Variants in SCPPPQ1 observed in about 807,000 individuals in gnomAD.
SCPPPQ1 encodes the protein secretory calcium-binding phosphoprotein proline- and glutamine-rich 1.
At chr4:87,466,759 G>A in the SCPPPQ1 span, among the ~76,000 whole-genome samples, 1 of 152,140 alleles carries the variant, frequency 6.6e-6, no homozygotes. Flanking sequence ...ATGGTGGTGT[G>A]CACCTATAAT....
At chr4:87,470,086 T>G in the SCPPPQ1 span, among the ~76,000 whole-genome samples, 1 of 151,700 alleles carries the variant, frequency 6.6e-6, no homozygotes, top group African/African-American at 2.4e-5. Context: ...CCCAAGGAGC[T>G]AGGACTACAG....
the SCPPPQ1 span, among the ~76,000 whole-genome samples, chr4:87,464,531 A>T: frequency 6.6e-6 from 1 of 152,126 alleles, no homozygotes; most frequent in Non-Finnish European, 1.5e-5. Flanking sequence ...CTTTAATAAT[A>T]TTACTTCCTA....
chr4:87,470,961 C>T, the SCPPPQ1 span, among the ~76,000 whole-genome samples: 3 of 152,044 alleles, frequency 2.0e-5, no homozygotes, highest in Non-Finnish European at 4.4e-5. Context: ...ATGTTACATT[C>T]TTTTATCTAG....
the SCPPPQ1 span, among the ~76,000 whole-genome samples, chr4:87,469,062 A>G: frequency 6.6e-6 from 1 of 152,214 alleles, no homozygotes; most frequent in Admixed American, 6.5e-5. Context: ...GTTATCTTAA[A>G]TATTTCCTTC....
At chr4:87,463,435 A>G in the SCPPPQ1 span, among the ~76,000 whole-genome samples, 2 of 152,158 alleles carry the variant, frequency 1.3e-5, no homozygotes, top group African/African-American at 4.8e-5. Flanking sequence ...TCAAAATAGC[A>G]ATGAGTAACT....
At chr4:87,467,261 G>A in the SCPPPQ1 span, among the ~76,000 whole-genome samples, 1 of 152,094 alleles carries the variant, frequency 6.6e-6, no homozygotes, top group Non-Finnish European at 1.5e-5. Flanking sequence ...TAATGTAGTC[G>A]ACTTACAAAA....
chr4:87,468,676 C>G, the SCPPPQ1 span, among the ~76,000 whole-genome samples: 2 of 152,182 alleles, frequency 1.3e-5, no homozygotes, highest in Non-Finnish European at 2.9e-5. Context: ...AAAAGAAAAG[C>G]GCTGCTGTTA....
chr4:87,462,925 G>C, the SCPPPQ1 span, among the ~76,000 whole-genome samples: 47 of 151,420 alleles, frequency 3.1e-4, no homozygotes, highest in African/African-American at 8.2e-4. Context: ...TTGAGCCTGG[G>C]GGGGCAGAGG....
the SCPPPQ1 span, among the ~76,000 whole-genome samples, chr4:87,464,748 G>A: frequency 3.9e-5 from 6 of 152,176 alleles, no homozygotes; most frequent in Non-Finnish European, 8.8e-5. Context: ...TGAGGCTGGA[G>A]AATCACTTGT....
chr4:87,461,480 C>A, the SCPPPQ1 span, among the ~76,000 whole-genome samples: 1 of 152,148 alleles, frequency 6.6e-6, no homozygotes, highest in African/African-American at 2.4e-5. Flanking sequence ...ATTTGGCTAG[C>A]ATTGTTGAAG....
the SCPPPQ1 span, among the ~76,000 whole-genome samples, chr4:87,469,947 C>CTTTTTTTT: frequency 8.7e-6 from 1 of 114,972 alleles, no homozygotes; most frequent in Non-Finnish European, 1.8e-5. Context: ...ACACACAAAT[C>CTTTTTTTT]TTTTTTTTTT....
At chr4:87,469,108 T>C in the SCPPPQ1 span, among the ~76,000 whole-genome samples, 1 of 152,196 alleles carries the variant, frequency 6.6e-6, no homozygotes, top group Non-Finnish European at 1.5e-5. Context: ...AGATAGTCCT[T>C]TGGTGTCAGA....
chr4:87,464,014 C>G, the SCPPPQ1 span, among the ~76,000 whole-genome samples: 1 of 152,206 alleles, frequency 6.6e-6, no homozygotes, highest in Non-Finnish European at 1.5e-5. Flanking sequence ...AAGCTAAACA[C>G]TGTCCCAACT....
the SCPPPQ1 span, among the ~76,000 whole-genome samples, chr4:87,463,721 TAAG>T: frequency 6.6e-6 from 1 of 152,216 alleles, no homozygotes. Context: ...TTTGAATGGT[TAAG>T]AAACCCTCTG....
the SCPPPQ1 span, among the ~76,000 whole-genome samples, chr4:87,470,128 A>C: frequency 1.3e-5 from 2 of 151,818 alleles, no homozygotes; most frequent in Non-Finnish European, 2.9e-5. Context: ...TAATTTTAAA[A>C]AAATTTTCTT....
chr4:87,465,530 T>TAAGGAA, the SCPPPQ1 span, among the ~76,000 whole-genome samples: 1 of 108,828 alleles, frequency 9.2e-6, no homozygotes, highest in African/African-American at 3.5e-5. Flanking sequence ...ATTTGGATTG[T>TAAGGAA]AAGGAAAAGG....
the SCPPPQ1 span, chr4:87,461,132 A>G: frequency 3.1e-4 from 47 of 152,612 alleles, no homozygotes; most frequent in African/African-American, 8.4e-4. Context: ...ATTTAGTAAA[A>G]TAAGTAATAA....
At chr4:87,466,349 A>G in the SCPPPQ1 span, among the ~76,000 whole-genome samples, 2 of 152,304 alleles carry the variant, frequency 1.3e-5, no homozygotes, top group South Asian at 2.1e-4. Flanking sequence ...CAGCCTGGGC[A>G]ACAGAGAGAG....
At chr4:87,466,273 G>A in the SCPPPQ1 span, among the ~76,000 whole-genome samples, 1 of 151,984 alleles carries the variant, frequency 6.6e-6, no homozygotes, top group African/African-American at 2.4e-5. Flanking sequence ...GGGAGGCTGA[G>A]GCAGGAGAAT....
Sources: gnomAD v4.1 joint callset for allele counts (sites outside exome capture counted in the v4.1 genomes callset) on GRCh38, gnomAD v4.1.1 for gene constraint, MANE v1.5 for transcripts, NCBI Gene and HGNC (gene_info 2026-07-23, HGNC 2026-07-21) for gene names.